The following NOL4L variants were observed in gnomAD, a reference collection of about 807,000 sequenced individuals.
NOL4L encodes the protein nucleolar protein 4-like.
NOL4L carries 7 observed loss-of-function variants against 64.5 expected under a neutral mutation model. The ratio of observed to expected loss-of-function variants is 0.11; its 90% confidence interval spans 0.06 to 0.20. NOL4L has a LOEUF of 0.20. NOL4L is among the 10% of genes least tolerant of loss of function. The pLI, the probability that NOL4L is intolerant of heterozygous loss-of-function variation, is 1.00. For synonymous variants in NOL4L, 413 were observed against 401.0 expected (o/e 1.03, Z -0.36); for missense variants, 680 against 967.1 (o/e 0.70, Z 3.94).
chr20:32,570,651 C>A (rs926473444), intron 1 of NOL4L, among the ~76,000 whole-genome samples: 5 of 152,172 alleles, frequency 3.3e-5, no homozygotes, highest in Non-Finnish European at 7.3e-5. Context: ...ACCAGAGGCC[C>A]GTCTCAAGGT....
chr20:32,584,133 GCACACACACACACA>G (rs745461984), intron 1 of NOL4L, among the ~76,000 whole-genome samples: 70 of 88,798 alleles, frequency 7.9e-4, no homozygotes, highest in Non-Finnish European at 9.1e-4. Flanking sequence ...CTCCGCGCGC[GCACACACACACACA>G]CACACACACA....
At chr20:32,491,042 A>G (rs2016446806) in intron 4 of NOL4L, among the ~76,000 whole-genome samples, 1 of 152,192 alleles carries the variant, frequency 6.6e-6, no homozygotes, top group South Asian at 2.1e-4. Flanking sequence ...CCTTCCACAC[A>G]TATGTACAGA....
intron 5 of NOL4L, among the ~76,000 whole-genome samples, chr20:32,470,069 A>C (rs895260604): frequency 6.6e-6 from 1 of 152,228 alleles, no homozygotes; most frequent in Non-Finnish European, 1.5e-5. Context: ...ACTCTTGCTC[A>C]GCAATCCCCC....
At chr20:32,488,859 C>CT (rs2016313879) in intron 4 of NOL4L, among the ~76,000 whole-genome samples, 2 of 76,808 alleles carry the variant, frequency 2.6e-5, no homozygotes, top group African/African-American at 6.9e-5. Flanking sequence ...TTCTTTCTTT[C>CT]TTTCTTTCTT....
chr20:32,487,849 G>A (rs2016155216), intron 4 of NOL4L, among the ~76,000 whole-genome samples: 2 of 152,246 alleles, frequency 1.3e-5, no homozygotes, highest in Admixed American at 6.5e-5. Context: ...ACACTAGATG[G>A]ATGACTTTGG....
intron 1 of NOL4L, chr20:32,536,322 T>C: frequency 1.0e-6 from 1 of 984,776 alleles, no homozygotes; most frequent in South Asian, 4.7e-5. Flanking sequence ...GGAGGCGCCC[T>C]GGGCGCGCTA....
intron 5 of NOL4L, among the ~76,000 whole-genome samples, chr20:32,470,191 C>A (rs889344089): frequency 1.3e-5 from 2 of 152,264 alleles, no homozygotes; most frequent in African/African-American, 2.4e-5. Flanking sequence ...TCCCTGCCCC[C>A]ACGCATCCCT....
chr20:32,483,188 C>T (rs1444818500), intron 4 of NOL4L, among the ~76,000 whole-genome samples: 1 of 151,156 alleles, frequency 6.6e-6, no homozygotes, highest in Non-Finnish European at 1.5e-5. Flanking sequence ...CCCGCGCCCC[C>T]TCCCTCAGCC....
intron 1 of NOL4L, among the ~76,000 whole-genome samples, chr20:32,549,507 C>T (rs2018771792): frequency 6.6e-6 from 1 of 152,194 alleles, no homozygotes; most frequent in Non-Finnish European, 1.5e-5. Flanking sequence ...GATCCTAGCA[C>T]TTTGAGAGGC....
chr20:32,522,721 C>T (rs1288451297), intron 2 of NOL4L, among the ~76,000 whole-genome samples: 12 of 152,192 alleles, frequency 7.9e-5, no homozygotes. Context: ...AGCAAGTGTG[C>T]AGGAGGGAAG....
At chr20:32,517,217 C>T (rs2145567343) in intron 3 of NOL4L, among the ~76,000 whole-genome samples, 4 of 152,306 alleles carry the variant, frequency 2.6e-5, no homozygotes, top group Middle Eastern at 6.8e-3. Context: ...TTCTTTTTAA[C>T]ATAAGGCCAG....
chr20:32,584,146 C>CAG, intron 1 of NOL4L, among the ~76,000 whole-genome samples: 1 of 142,238 alleles, frequency 7.0e-6, no homozygotes, highest in African/African-American at 2.6e-5. Context: ...CACACACACA[C>CAG]ACACACACAC....
rs774772310 is a variant in NOL4L, at chr20:32,474,630, C to T, written c.812G>A (p.Ser271Asn). ...LSPSQDERMRSPQNLHSQEDD... is the reference protein window; with the variant it reads ...LSPSQDERMRNPQNLHSQEDD... ...CTCTTGACTGTGGAGGTTCTGCGGGCTCCGCATCCTCTCGTCCTGGCTGGG... is the reference window on the plus strand; with the variant it reads ...CTCTTGACTGTGGAGGTTCTGCGGGTTCCGCATCCTCTCGTCCTGGCTGGG... The change falls in exon 5 of 11, where the codon AGC (serine) becomes AAC (asparagine). Residue 271 changes from serine (S) to asparagine (N), a missense_variant. Transcript: ENST00000621426. 7 of 1,613,168 alleles carry T rather than the reference C, an allele frequency of 4.3e-6. No homozygotes were observed. The Admixed American group carries it at 8.3e-5, about 19-fold the overall frequency.
chr20:32,567,140 TC>T (rs1246495189), intron 1 of NOL4L, among the ~76,000 whole-genome samples: 21 of 152,094 alleles, frequency 1.4e-4, no homozygotes, highest in African/African-American at 4.8e-4. Flanking sequence ...GGTCCTTGCC[TC>T]CTTCCCCTCC....
At chr20:32,455,644 G>A (rs995735666) in intron 6 of NOL4L, among the ~76,000 whole-genome samples, 30 of 152,132 alleles carry the variant, frequency 2.0e-4, no homozygotes, top group Admixed American at 1.4e-3. Flanking sequence ...CCTTACCACC[G>A]TCCATCAGCC....
chr20:32,536,042 G>A (rs1399663156), intron 1 of NOL4L: 1 of 985,588 alleles, frequency 1.0e-6, no homozygotes, highest in African/African-American at 1.7e-5. Context: ...TGTCCTGCCT[G>A]GGCCTCAGTT....
intron 1 of NOL4L, chr20:32,535,659 C>T (rs2018497088): frequency 3.0e-6 from 3 of 985,298 alleles, no homozygotes; most frequent in Non-Finnish European, 2.4e-6. Context: ...CCTCAAACAA[C>T]GGCGCTACAT....
At chr20:32,552,111 A>T (rs568358162) in intron 1 of NOL4L, among the ~76,000 whole-genome samples, 1 of 152,186 alleles carries the variant, frequency 6.6e-6, no homozygotes, top group Non-Finnish European at 1.5e-5. Flanking sequence ...TAAATGGGTG[A>T]ATTGTGTGGC....
intron 1 of NOL4L, among the ~76,000 whole-genome samples, chr20:32,549,709 C>T (rs748665248): frequency 2.2e-4 from 34 of 152,124 alleles, no homozygotes; most frequent in South Asian, 4.1e-4. Context: ...GCCGAGATCG[C>T]GCCATTGCAC....
Sources: allele counts gnomAD v4.1 joint callset (sites outside exome capture counted in the v4.1 genomes callset), GRCh38; gene constraint gnomAD v4.1.1; transcripts MANE v1.5; gene names NCBI Gene and HGNC (gene_info 2026-07-23, HGNC 2026-07-21).